CHD7: variants seen among roughly 807,000 people sequenced by gnomAD.
The protein encoded by CHD7 is chromodomain helicase DNA binding protein 7.
In CHD7, 24 loss-of-function variants were observed where a neutral mutation model predicts 307.3. The ratio of observed to expected loss-of-function variants is 0.08; its 90% confidence interval spans 0.06 to 0.11. The LOEUF (loss-of-function observed/expected upper bound fraction) is 0.11, where lower values mean the gene tolerates loss of function less well. Among genes scored for constraint, CHD7 ranks in the 10% least tolerant of loss-of-function variants. The probability of loss-of-function intolerance (pLI) is 1.00; values close to 1 mark genes in which losing one functional copy is unlikely to be tolerated. For missense variants in CHD7, 3,106 were observed against 3,727.1 expected, an observed-to-expected ratio of 0.83 and a Z score of 4.34; for synonymous variants, 1,363 against 1,349.9, an observed-to-expected ratio of 1.01 and a Z score of -0.21.
chr8:60,743,351 A>G (rs918559644), intron 2 of CHD7, among the ~76,000 whole-genome samples: 1 of 152,256 alleles, frequency 6.6e-6, no homozygotes. Context: ...CACCGCTAGC[A>G]GGGAGATGGA....
chr8:60,758,603 C>T (rs1038789059), intron 2 of CHD7, among the ~76,000 whole-genome samples: 2 of 152,140 alleles, frequency 1.3e-5, no homozygotes, highest in African/African-American at 4.8e-5. Flanking sequence ...GTGATTGGCT[C>T]ACTTTATTTC....
At chr8:60,717,571 C>T (rs908107698) in intron 1 of CHD7, among the ~76,000 whole-genome samples, 1 of 152,078 alleles carries the variant, frequency 6.6e-6, no homozygotes, top group African/African-American at 2.4e-5. Context: ...AGGGGAAGGG[C>T]AGGTGGCATG....
intron 1 of CHD7, among the ~76,000 whole-genome samples, chr8:60,692,099 A>G (rs1269563668): frequency 6.6e-6 from 1 of 152,236 alleles, no homozygotes; most frequent in Non-Finnish European, 1.5e-5. Flanking sequence ...GAAATACGAA[A>G]AATTTAGAAA....
chr8:60,742,962 G>T lies in CHD7; in HGVS notation c.1530G>T (p.Gln510His). 3.1e-6 allele frequency: 5 copies of T among 1,613,498 alleles called. No individual in the cohort carries two copies. Among genetic ancestry groups the T allele is most frequent in the Non-Finnish European group, 1.7e-6 (2 of 1,179,634 alleles). Reference sequence around the variant, plus strand: ...CTGGTCAACAGCCATCTTTTCAGCAGTTGCCAACCTGTCCTCCACTGCAGC... The same window carrying T: ...CTGGTCAACAGCCATCTTTTCAGCATTTGCCAACCTGTCCTCCACTGCAGC... ...QHPGQQPSFQ[Q>H]LPTCPPLQPH... The change falls in exon 2 of 38, where the codon CAG becomes CAT. Residue 510 changes from glutamine (Q) to histidine (H), a missense_variant. By Grantham distance (24) the Gln-to-His change is conservative. This residue lies in a region of CHD7 where 998 missense variants were observed against 1,004.5 expected (regional missense o/e 0.99). Transcript: ENST00000423902.
chr8:60,859,076 A>C (rs1042057859), intron 34 of CHD7, among the ~76,000 whole-genome samples: 12 of 152,168 alleles, frequency 7.9e-5, no homozygotes, highest in African/African-American at 2.7e-4. Context: ...TCTTTTTCTA[A>C]AGTCCCATTT....
At chr8:60,783,772 T>TGG (rs139778624) in intron 3 of CHD7, among the ~76,000 whole-genome samples, 4 of 151,182 alleles carry the variant, frequency 2.6e-5, no homozygotes, top group African/African-American at 7.3e-5. Flanking sequence ...GATGCCACAC[T>TGG]GGGGGGGGCG....
chr8:60,794,173 G>A (rs1219869396), intron 3 of CHD7, among the ~76,000 whole-genome samples: 1 of 152,062 alleles, frequency 6.6e-6, no homozygotes, highest in Non-Finnish European at 1.5e-5. Context: ...ATGGAAGGTA[G>A]CGCTAAATGT....
chr8:60,779,102 T>C (rs1811084227), intron 2 of CHD7, among the ~76,000 whole-genome samples: 1 of 152,196 alleles, frequency 6.6e-6, no homozygotes, highest in South Asian at 2.1e-4. Flanking sequence ...CAAAGGGCAA[T>C]AAGTATTTTA....
intron 1 of CHD7, among the ~76,000 whole-genome samples, chr8:60,691,033 C>A (rs1806167853): frequency 6.6e-6 from 1 of 152,170 alleles, no homozygotes; most frequent in South Asian, 2.1e-4. Context: ...TCAAGCAATT[C>A]TTGTGCCTCA....
chr8:60,856,175 C>T lies in CHD7; in HGVS notation c.7137C>T (p.Asp2379=). The change falls in exon 33 of 38, where the codon GAC becomes GAT. Residue 2379 remains aspartate (D), a synonymous_variant. Coordinates refer to ENST00000423902, the MANE Select transcript of CHD7 (RefSeq NM_017780.4). ...AAGCCAGCATTAGTGGGAGTGAGGA[C>T]ATCACTACGTCTCCTCAGTTGTCAA... ...VGQASISGSE[D]ITTSPQLSKE... 4.4e-6 allele frequency: 7 copies of T among 1,598,982 alleles called. No homozygotes were observed. Among genetic ancestry groups the T allele is most frequent in the Non-Finnish European group, 6.0e-6 (7 of 1,172,354 alleles).
chr8:60,704,451 A>G (rs924685222), intron 1 of CHD7, among the ~76,000 whole-genome samples: 3 of 152,046 alleles, frequency 2.0e-5, no homozygotes, highest in African/African-American at 7.3e-5. Context: ...GAGGAAGGCA[A>G]GCTTGGGCTG....
At chr8:60,680,357 C>T (rs1474447085) in intron 1 of CHD7, among the ~76,000 whole-genome samples, 1 of 109,594 alleles carries the variant, frequency 9.1e-6, no homozygotes, top group Non-Finnish European at 1.8e-5. Flanking sequence ...GGCTGGGCTG[C>T]GGTGCGGGGC....
rs202020722 is a variant in CHD7, at chr8:60,856,831, A to G, written c.7551A>G (p.Lys2517=). 3.4e-4 allele frequency: 538 copies of G among 1,593,918 alleles called. No individual in the cohort carries two copies. Among genetic ancestry groups the G allele is most frequent in the Non-Finnish European group, 2.9e-4 (339 of 1,170,026 alleles). Residue 2517 remains lysine, a synonymous_variant, in exon 34 of 38, where the codon AAA becomes AAG. Coordinates refer to ENST00000423902, the MANE Select transcript of CHD7 (RefSeq NM_017780.4). ...TGAAGAGGAGGCGGGGAAGGAGGAA[A>G]AATGTGGAGGGACTTGATCTGCTTT... is the stretch of plus-strand genomic sequence containing the variant. ...PPMKRRRGRR[K]NVEGLDLLFM... is the part of the protein sequence containing the mutation.
chr8:60,766,589 G>T (rs558032528), intron 2 of CHD7, among the ~76,000 whole-genome samples: 16 of 152,202 alleles, frequency 1.1e-4, no homozygotes, highest in Admixed American at 4.6e-4. Flanking sequence ...GTGGGGACAG[G>T]CCACTAGGAG....
chr8:60,851,365 G>A lies in CHD7; in HGVS notation c.5665+46G>A, dbSNP rs951712774. ...GTGTAGCCGAGCAGACGTGCACTGA[G>A]CAGTCATTGTTCACGTGGTAGGGAC... is the stretch of plus-strand genomic sequence containing the variant. On this transcript the variant is annotated intron_variant, in intron 28 of 37. Transcript: ENST00000423902. The A allele has an allele frequency of 4.2e-6, 6 of 1,424,908 alleles. No homozygotes were observed. The African/African-American group carries it at 8.5e-5, about 20-fold the overall frequency. The allele number at this position is 1,424,908 out of a possible 1,614,324, so 88.3% of individuals were successfully genotyped here. A position where few individuals can be genotyped will look rare whatever the true frequency, so the allele number is the denominator to read the frequency against.
chr8:60,759,633 T>A (rs770002387), intron 2 of CHD7, among the ~76,000 whole-genome samples: 5 of 152,198 alleles, frequency 3.3e-5, no homozygotes. Flanking sequence ...CCTGTTGCTC[T>A]GCAGAGGTAA....
At chr8:60,828,168 TG>T (rs563761413) in intron 13 of CHD7, among the ~76,000 whole-genome samples, 10 of 152,226 alleles carry the variant, frequency 6.6e-5, no homozygotes, top group Non-Finnish European at 1.0e-4. Context: ...CTTTGCTAGT[TG>T]GAAATTTTTG....
intron 3 of CHD7, among the ~76,000 whole-genome samples, chr8:60,782,158 A>G (rs1223828465): frequency 6.6e-6 from 1 of 152,238 alleles, no homozygotes; most frequent in Non-Finnish European, 1.5e-5. Flanking sequence ...AGTTCCAGAC[A>G]TCTGAATCTG....
intron 1 of CHD7, among the ~76,000 whole-genome samples, chr8:60,732,891 C>G (rs1450546914): frequency 6.6e-6 from 1 of 152,092 alleles, no homozygotes; most frequent in Non-Finnish European, 1.5e-5. Flanking sequence ...AGACCTGTCT[C>G]TTCATTTGAT....
Sources: allele counts gnomAD v4.1 joint callset (sites outside exome capture counted in the v4.1 genomes callset), GRCh38; gene constraint gnomAD v4.1.1; regional missense constraint gnomAD v4.1.1; transcripts MANE v1.5; gene names NCBI Gene and HGNC (gene_info 2026-07-23, HGNC 2026-07-21).